The following CACNA1B variants were observed in gnomAD, a reference collection of about 807,000 sequenced individuals.
The protein encoded by CACNA1B is voltage-dependent N-type calcium channel subunit alpha-1B.
CACNA1B carries 70 observed loss-of-function variants against 247.2 expected under a neutral mutation model. The ratio of observed to expected loss-of-function variants is 0.28; its 90% CI spans 0.23 to 0.35. The LOEUF is 0.35. Among genes scored for constraint, CACNA1B ranks in the 10% least tolerant of loss-of-function variants. The pLI, the probability that CACNA1B is intolerant of heterozygous loss-of-function variation, is 1.00. For missense variants in CACNA1B, 2,367 were observed against 3,197.4 expected (o/e 0.74, Z 6.26); for synonymous variants, 1,231 against 1,294.4 (o/e 0.95, Z 1.05).
Position 138,073,681 on chromosome 9 carries a change from C to T in CACNA1B, c.4791+77C>T. On this transcript the variant is annotated intron_variant, in intron 33 of 46. Coordinates refer to ENST00000371372, the MANE Select transcript of CACNA1B (RefSeq NM_000718.4). The surrounding 1 kb of genome is among the most constrained non-coding windows in gnomAD (Gnocchi z 6.4). ...TTCCCCTGCCCCCACCACAGTGGCC[C>T]CTCCTTTGGGAGGCTGGGAGAGGGT... 1 of 867,112 alleles carries T rather than the reference C, an allele frequency of 1.2e-6. No individual in the cohort carries two copies. The highest frequency in any genetic ancestry group is 2.0e-6 in the Non-Finnish European group (1 of 507,870). 53.7% of individuals were successfully genotyped at this position (867,112 alleles called of 1,614,324 possible).
intron 15 of CACNA1B, among the ~76,000 whole-genome samples, 190 bp downstream of exon 15, chr9:137,987,044 G>T (rs1958372010): frequency 6.6e-6 from 1 of 152,224 alleles, no homozygotes; most frequent in Non-Finnish European, 1.5e-5. Flanking sequence ...CCAGGTCCGG[G>T]GGCCCCAGCC....
chr9:138,111,032 A>G (rs1961611417), intron 39 of CACNA1B, among the ~76,000 whole-genome samples: 1 of 151,944 alleles, frequency 6.6e-6, no homozygotes, highest in African/African-American at 2.4e-5. Context: ...AGTTGCCAAA[A>G]TGCTTTTCAG....
chr9:138,055,380 T>C (rs954862862), intron 26 of CACNA1B, among the ~76,000 whole-genome samples: 1 of 152,154 alleles, frequency 6.6e-6, no homozygotes, highest in African/African-American at 2.4e-5. Flanking sequence ...TCCTCTTGCC[T>C]CGGCCTCCTA....
At chr9:138,008,507 G>A (rs922910612) in intron 16 of CACNA1B, among the ~76,000 whole-genome samples, 3 of 152,210 alleles carry the variant, frequency 2.0e-5, no homozygotes, top group African/African-American at 2.4e-5. Flanking sequence ...GGAGCTCTGC[G>A]TGGACTCACC....
intron 6 of CACNA1B, among the ~76,000 whole-genome samples, chr9:137,918,483 G>T (rs1252854526): frequency 6.6e-6 from 1 of 152,152 alleles, no homozygotes; most frequent in Non-Finnish European, 1.5e-5. Flanking sequence ...GTAACTAGAG[G>T]ATGTGTTCCC....
At chr9:137,970,207 A>T (rs963641847) in intron 10 of CACNA1B, among the ~76,000 whole-genome samples, 3 of 152,112 alleles carry the variant, frequency 2.0e-5, no homozygotes, top group Non-Finnish European at 4.4e-5. Context: ...TCACACAGGG[A>T]CCCCATGCTC....
rs200289311 is a variant in CACNA1B at position 137,917,467 on chromosome 9, C to A, written c.966+36C>A. The stretch of plus-strand genomic sequence containing the variant: ...TCTTGGCCCTGGGCCTGAGGGCAGG[C>A]CCTGGACCTCCTGAGCTGGTGCCTC... On this transcript the variant is annotated intron_variant, in intron 6 of 46. Transcript: ENST00000371372. This position sits in a 1 kb window ranked among gnomAD's most constrained non-coding sequence, Gnocchi z 5.5. The A allele has an allele frequency of 1.8e-5, 28 of 1,581,120 alleles. No homozygotes were observed. The highest frequency in any genetic ancestry group is 2.1e-5 in the Non-Finnish European group (24 of 1,156,448).
intron 21 of CACNA1B, among the ~76,000 whole-genome samples, chr9:138,044,771 T>A (rs1959169417): frequency 6.6e-6 from 1 of 152,226 alleles, no homozygotes; most frequent in Admixed American, 6.5e-5. Context: ...CCCATCCCCT[T>A]CTTCTTTCAC....
Position 138,023,486 on chromosome 9 carries a change from G to A in CACNA1B, c.2743G>A (p.Gly915Ser). 1.8e-6 allele frequency: 2 copies of A among 1,118,384 alleles called. No homozygotes were observed. Among genetic ancestry groups the A allele is most frequent in the African/African-American group, 1.7e-5 (1 of 59,962 alleles). 69.3% of individuals were successfully genotyped at this position (1,118,384 alleles called of 1,614,324 possible). Residue 915 changes from glycine to serine, a missense_variant, in exon 19 of 47, where the codon GGC (glycine) becomes AGC (serine). Gly to Ser is a moderately conservative substitution (Grantham distance 56). Coordinates refer to ENST00000371372, the MANE Select transcript of CACNA1B (RefSeq NM_000718.4). ...ERGRGPGPEG[G>S]RRHHRRGSPE... ...CGGCCGAGGCCCAGGCCCCGAGGGCGGCCGGCGGCACCACCGGCGCGGCTC... is the reference window on the plus strand; with the variant it reads ...CGGCCGAGGCCCAGGCCCCGAGGGCAGCCGGCGGCACCACCGGCGCGGCTC...
intron 43 of CACNA1B, 128 bp from the exon 44 acceptor site, chr9:138,118,524 G>A (rs1245628013): frequency 8.4e-6 from 5 of 598,790 alleles, no homozygotes; most frequent in Non-Finnish European, 1.5e-5. Flanking sequence ...GTGAACAGCA[G>A]TGGGAGTTAG....
At position 138,118,708 on chromosome 9, in the gene CACNA1B, G is replaced by C; in HGVS notation, c.5970G>C (p.Gln1990His). ...GGAGGGGCCCTGATGGGGAGCCCCA[G>C]CCTGGGCTGGAGAGCCAGGGTCGAG... ...ITRRGPDGEP[Q>H]PGLESQGRAA... The change falls in exon 44 of 47, where the codon CAG (glutamine) becomes CAC (histidine). Residue 1990 changes from glutamine to histidine, a missense_variant. Gln to His is a conservative substitution (Grantham distance 24). Around this residue, in one of 12 missense-constraint regions of CACNA1B, gnomAD observed 773 missense variants for 779.4 expected, o/e 0.99. Coordinates refer to ENST00000371372, the MANE Select transcript of CACNA1B (RefSeq NM_000718.4). 1 of 1,566,020 alleles carries C rather than the reference G, an allele frequency of 6.4e-7. No individual in the cohort carries two copies. Among genetic ancestry groups the C allele is most frequent in the South Asian group, 1.2e-5 (1 of 84,990 alleles).
chr9:137,955,955 T>C lies in CACNA1B; in HGVS notation c.1186+142T>C. On this transcript the variant is annotated intron_variant, in intron 8 of 46. Transcript: ENST00000371372. The surrounding 1 kb of genome is among the most constrained non-coding windows in gnomAD (Gnocchi z 6.9). ...TTGTAGTGAGCAGAGTGAGAAGGGA[T>C]TTCTCTCTAGCTCACCCAGGGGCCT... The C allele has an allele frequency of 1.5e-6, 1 of 671,304 alleles. No homozygotes were observed. The highest frequency in any genetic ancestry group is 2.6e-5 in the Admixed American group (1 of 39,020). The allele number at this position is 671,304 out of a possible 1,614,324, so 41.6% of individuals were successfully genotyped here.
In CACNA1B at chr9:137,986,415, ACTGG is replaced by A. The variant is rs1958362708; in HGVS notation, c.1773_1776del (p.Tyr591Ter). The A allele has an allele frequency of 6.2e-7, 1 of 1,613,612 alleles. No individual in the cohort carries two copies. Among genetic ancestry groups the A allele is most frequent in the Non-Finnish European group, 8.5e-7 (1 of 1,179,794 alleles). Reference sequence around the variant, plus strand: ...AGACCCCCTGCCTGGCCCCGCAGGTACTGGAGCTCCCTGCGGAACCTGGTGGTGT... The same window carrying A: ...AGACCCCCTGCCTGGCCCCGCAGGTAAGCTCCCTGCGGAACCTGGTGGTGT... On this transcript the variant is annotated frameshift_variant, in exon 14 of 47. Transcript: ENST00000371372. LOFTEE classifies it high-confidence loss of function. The surrounding 1 kb of genome is among the most constrained non-coding windows in gnomAD (Gnocchi z 6.0).
At chr9:138,094,809 G>A (rs1421290304) in intron 36 of CACNA1B, among the ~76,000 whole-genome samples, 2 of 152,234 alleles carry the variant, frequency 1.3e-5, no homozygotes, top group Non-Finnish European at 1.5e-5. Context: ...ACTTTTGACA[G>A]TTGTGCTAAT....
At chr9:137,878,245 G>T in intron 1 of CACNA1B, 28 bp downstream of exon 1, 1 of 1,120,626 alleles carries the variant, frequency 8.9e-7, no homozygotes, top group Admixed American at 4.3e-5. Flanking sequence ...GCCGGGCGGG[G>T]CCGGGCGGGG....
intron 24 of CACNA1B, 129 bp downstream of exon 24, chr9:138,049,444 T>C: frequency 1.4e-6 from 1 of 700,708 alleles, no homozygotes; most frequent in South Asian, 1.6e-5. Context: ...TTGCTGTCCA[T>C]GTGGGACTGT....
Position 138,051,150 on chromosome 9 carries a change from C to T in CACNA1B, c.3711-942C>T, listed in dbSNP as rs1022044796. Among the ~76,000 whole-genome samples the T allele has an allele frequency of 6.6e-6, 1 of 152,052 alleles. No homozygotes were observed. Among genetic ancestry groups the T allele is most frequent in the African/African-American group, 2.4e-5 (1 of 41,406 alleles). On this transcript the variant is annotated intron_variant, in intron 24 of 46. Transcript: ENST00000371372. The surrounding 1 kb of genome is among the most constrained non-coding windows in gnomAD (Gnocchi z 4.3). Reference sequence around the variant, plus strand: ...AGTAGAGTGGCTTTGCTTCTGAGAACGGGGGCCGCCTTAGGAGGAAATCTC... The same window carrying T: ...AGTAGAGTGGCTTTGCTTCTGAGAATGGGGGCCGCCTTAGGAGGAAATCTC...
intron 12 of CACNA1B, among the ~76,000 whole-genome samples, chr9:137,977,631 G>A (rs935505017): frequency 1.3e-5 from 2 of 152,200 alleles, no homozygotes; most frequent in Non-Finnish European, 2.9e-5. Context: ...CAGAGCCTAG[G>A]GATATGGCAC....
At position 138,121,926 on chromosome 9, in the gene CACNA1B, G is replaced by T; in HGVS notation, c.6947G>T (p.Cys2316Phe). Reference protein sequence around the residue: ...PLRRVPNGYHCTLGLSSGGRA... With the variant: ...PLRRVPNGYHFTLGLSSGGRA... ...CGCCGCGTGCCCAACGGTTACCACT[G>T]CACCCTGGGACTCAGCTCGGGTGGC... Residue 2316 changes from cysteine (C) to phenylalanine (F), a missense_variant, in exon 47 of 47, where the codon TGC (cysteine) becomes TTC (phenylalanine). By Grantham distance (205) the Cys-to-Phe change is radical (BLOSUM62 -2). Around this residue, in one of 12 missense-constraint regions of CACNA1B, gnomAD observed 773 missense variants for 779.4 expected, o/e 0.99. Transcript: ENST00000371372. This position sits in a 1 kb window ranked among gnomAD's most constrained non-coding sequence, Gnocchi z 6.8. 2 of 1,609,936 alleles carry T rather than the reference G, an allele frequency of 1.2e-6. No homozygotes were observed. Among genetic ancestry groups the T allele is most frequent in the Non-Finnish European group, 8.5e-7 (1 of 1,179,844 alleles).
Sources: allele counts gnomAD v4.1 joint callset (sites outside exome capture counted in the v4.1 genomes callset), GRCh38; gene constraint gnomAD v4.1.1; regional missense constraint gnomAD v4.1.1; non-coding constraint Gnocchi (gnomAD v3.1); transcripts MANE v1.5; gene names NCBI Gene and HGNC (gene_info 2026-07-23, HGNC 2026-07-21).